ZNF593OS: variants seen among roughly 807,000 people sequenced by gnomAD.
ZNF593OS encodes the protein transmembrane protein ZNF593OS.
Position 26,171,709 on chromosome 1 carries a change from G to A in ZNF593OS, c.-48C>T, listed in dbSNP as rs540589332. 149 of 398,622 alleles carry A rather than the reference G, an allele frequency of 3.7e-4. No homozygotes were observed. Among genetic ancestry groups the A allele is most frequent in the African/African-American group, 2.5e-3 (120 of 48,734 alleles). 24.7% of individuals were successfully genotyped at this position (398,622 alleles called of 1,614,324 possible). A position where few individuals can be genotyped will look rare whatever the true frequency, so the allele number is the denominator to read the frequency against. The stretch of plus-strand genomic sequence containing the variant: ...GGCGGCCTGTAGGGTGGGAGCGGAC[G>A]TGAAGACCAGTGGTCTTCATGACAC... On this transcript the variant is annotated 5_prime_UTR_variant, in exon 1 of 2. Coordinates refer to ENST00000648649, the Ensembl canonical transcript of ZNF593OS. The surrounding 1 kb of genome is among the most constrained non-coding windows in gnomAD (Gnocchi z 5.5).
rs996901778 is a variant in ZNF593OS, at chr1:26,171,177, C to G, written c.*12G>C. On this transcript the variant is annotated 3_prime_UTR_variant, in exon 2 of 2. Coordinates refer to ENST00000648649, the Ensembl canonical transcript of ZNF593OS. This position sits in a 1 kb window ranked among gnomAD's most constrained non-coding sequence, Gnocchi z 5.5. Reference sequence around the variant, plus strand: ...CTACCCCCAGCATCCAAGTGAGAGTCTCTCTTCTTCGTTACGGGGCCCGTG... The same window carrying G: ...CTACCCCCAGCATCCAAGTGAGAGTGTCTCTTCTTCGTTACGGGGCCCGTG... The G allele has an allele frequency of 2.5e-6, 1 of 407,560 alleles. No individual in the cohort carries two copies. Among genetic ancestry groups the G allele is most frequent in the Non-Finnish European group, 4.3e-6 (1 of 230,896 alleles). The allele number at this position is 407,560 out of a possible 1,614,324, so 25.2% of individuals were successfully genotyped here.
downstream of ZNF593OS, chr1:26,169,991 G>C: frequency 6.5e-7 from 1 of 1,545,594 alleles, no homozygotes; most frequent in Non-Finnish European, 8.7e-7. Context: ...GCCATGGGTC[G>C]CTCCCGCCGG....
chr1:26,169,778 G>A (rs1047045208), downstream of ZNF593OS: 3 of 583,066 alleles, frequency 5.1e-6, no homozygotes, highest in Non-Finnish European at 8.6e-6. Context: ...ACACTTCTGG[G>A]AGCCCGTCCT....
chr1:26,171,586 G>C lies in ZNF593OS; in HGVS notation c.45+31C>G. Reference sequence around the variant, plus strand: ...TGGTAGGGGGAGGAAGGGGTCAGTCGTGCCAGAAACCGTTGATCAGGGGTA... The same window carrying C: ...TGGTAGGGGGAGGAAGGGGTCAGTCCTGCCAGAAACCGTTGATCAGGGGTA... On this transcript the variant is annotated intron_variant, in intron 1 of 1. Coordinates refer to ENST00000648649, the Ensembl canonical transcript of ZNF593OS. The surrounding 1 kb of genome is among the most constrained non-coding windows in gnomAD (Gnocchi z 5.5). 1 of 398,624 alleles carries C rather than the reference G, an allele frequency of 2.5e-6. No individual in the cohort carries two copies. The highest frequency in any genetic ancestry group is 4.4e-6 in the Non-Finnish European group (1 of 226,068). The allele number at this position is 398,624 out of a possible 1,614,324, so 24.7% of individuals were successfully genotyped here.
downstream of ZNF593OS, chr1:26,169,833 C>T (rs2088465349): frequency 1.2e-6 from 1 of 842,678 alleles, no homozygotes. Flanking sequence ...GCGCTCGAGC[C>T]GCTGGCCGAG....
At chr1:26,170,064 C>G, downstream of ZNF593OS, 1 of 1,574,118 alleles carries the variant, frequency 6.4e-7, no homozygotes, top group Non-Finnish European at 8.6e-7. Flanking sequence ...GGCGGCCGGA[C>G]TTGGATGAGA....
Position 26,171,102 on chromosome 1 carries a change from T to A in ZNF593OS, c.*87A>T. On this transcript the variant is annotated 3_prime_UTR_variant, in exon 2 of 2. Coordinates refer to ENST00000648649, the Ensembl canonical transcript of ZNF593OS. The surrounding 1 kb of genome is among the most constrained non-coding windows in gnomAD (Gnocchi z 5.5). ...ACTCTGTCCTGCTTCTGACAGAGAC[T>A]GATCCCCAGAAAAGAAGGCTTCTGA... 2.4e-6 allele frequency: 1 copy of A among 412,524 alleles called. No individual in the cohort carries two copies. The highest frequency in any genetic ancestry group is 4.3e-6 in the Non-Finnish European group (1 of 233,750). The allele number at this position is 412,524 out of a possible 1,614,324, so 25.6% of individuals were successfully genotyped here.
At chr1:26,170,226 C>A, downstream of ZNF593OS, 1 of 1,579,120 alleles carries the variant, frequency 6.3e-7, no homozygotes, top group African/African-American at 1.3e-5. Context: ...GGAGGGTCCG[C>A]GGTACCGGCC....
chr1:26,171,352 G>C lies in ZNF593OS; in HGVS notation c.46-17C>G, dbSNP rs557233429. On this transcript the variant is annotated splice_polypyrimidine_tract_variant and intron_variant, in intron 1 of 1. Transcript: ENST00000648649. This position sits in a 1 kb window ranked among gnomAD's most constrained non-coding sequence, Gnocchi z 5.5. ...TACCTGCATCTGGAGGTGCACAGAG[G>C]GTGTGCCTCAGGGGTCAGTTGAGAC... is the stretch of plus-strand genomic sequence containing the variant. 2.5e-6 allele frequency: 1 copy of C among 400,620 alleles called. No individual in the cohort carries two copies. Among genetic ancestry groups the C allele is most frequent in the Admixed American group, 4.3e-5 (1 of 23,034 alleles). 24.8% of individuals were successfully genotyped at this position (400,620 alleles called of 1,614,324 possible).
chr1:26,170,684 A>G (rs1476262929), exon 2 of ZNF593OS: 1 of 1,609,762 alleles, frequency 6.2e-7, no homozygotes, highest in East Asian at 2.2e-5. Flanking sequence ...GGAAGTGTCC[A>G]CTGAGGTCCC....
At chr1:26,170,711 A>T in exon 2 of ZNF593OS, 2 of 1,604,820 alleles carry the variant, frequency 1.2e-6, no homozygotes, top group Non-Finnish European at 1.7e-6. Flanking sequence ...GGATACCTCT[A>T]CCTGACATGG....
At chr1:26,169,925 T>C, downstream of ZNF593OS, 5 of 1,474,988 alleles carry the variant, frequency 3.4e-6, no homozygotes, top group Non-Finnish European at 3.6e-6. Context: ...CCGGAAGTGC[T>C]CACACGTGTG....
chr1:26,170,159 G>C, downstream of ZNF593OS: 1 of 1,571,912 alleles, frequency 6.4e-7, no homozygotes, highest in Non-Finnish European at 8.6e-7. Context: ...CCAGGGGGCG[G>C]TCTGCACCGC....
chr1:26,170,358 G>A (rs1358793291), downstream of ZNF593OS: 2 of 1,572,832 alleles, frequency 1.3e-6, no homozygotes, highest in Non-Finnish European at 1.7e-6. Flanking sequence ...GGGCTAGGGA[G>A]ATAGGTGCAC....
At position 26,171,283 on chromosome 1, in the gene ZNF593OS, A is replaced by C; in HGVS notation, c.98T>G (p.Val33Gly). 2.5e-6 allele frequency: 1 copy of C among 401,368 alleles called. No individual in the cohort carries two copies. Among genetic ancestry groups the C allele is most frequent in the South Asian group, 1.2e-4 (1 of 8,116 alleles). 24.9% of individuals were successfully genotyped at this position (401,368 alleles called of 1,614,324 possible). ...GAGGACAGCTAGCACTGTAGCCACA[A>C]CTCCTGCCAGCAGACTCCGGGGCTC... is the stretch of plus-strand genomic sequence containing the variant. The change falls in exon 2 of 2, where the codon GTT (valine) becomes GGT (glycine). Residue 33 changes from valine (V) to glycine (G), a missense_variant. Coordinates refer to ENST00000648649, the Ensembl canonical transcript of ZNF593OS. This position sits in a 1 kb window ranked among gnomAD's most constrained non-coding sequence, Gnocchi z 5.5.
Position 26,171,471 on chromosome 1 carries a change from A to C in ZNF593OS, c.46-136T>G. 5.0e-6 allele frequency: 2 copies of C among 398,652 alleles called. No homozygotes were observed. The highest frequency in any genetic ancestry group is 8.8e-6 in the Non-Finnish European group (2 of 226,226). The allele number at this position is 398,652 out of a possible 1,614,324, so 24.7% of individuals were successfully genotyped here. A position where few individuals can be genotyped will look rare whatever the true frequency, so the allele number is the denominator to read the frequency against. On this transcript the variant is annotated intron_variant, in intron 1 of 1. Transcript: ENST00000648649. The surrounding 1 kb of genome is among the most constrained non-coding windows in gnomAD (Gnocchi z 5.5). ...TCCTGCCCCAGGGAGATTCCACCCC[A>C]ATCCCTTTCGCCTCACTGCCCATCT...
At chr1:26,170,494 A>G (rs1426665035) in exon 2 of ZNF593OS, 6 of 1,614,188 alleles carry the variant, frequency 3.7e-6, no homozygotes, top group Non-Finnish European at 5.1e-6. Flanking sequence ...TGAAGGAGTA[A>G]GGAGAGGATT....
Position 26,170,591 on chromosome 1 carries a change from G to C in ZNF593OS, c.*598C>G, listed in dbSNP as rs758484107. On this transcript the variant is annotated 3_prime_UTR_variant, in exon 2 of 2. Transcript: ENST00000648649. Reference sequence around the variant, plus strand: ...TTCTCCCAGGCTGAAGCAGCTGAGCGTCGAGCCCTACAGTCAGGAAGAGGC... The same window carrying C: ...TTCTCCCAGGCTGAAGCAGCTGAGCCTCGAGCCCTACAGTCAGGAAGAGGC... 4 of 1,613,830 alleles carry C rather than the reference G, an allele frequency of 2.5e-6. No individual in the cohort carries two copies. The South Asian group carries it at 4.4e-5, about 18-fold the overall frequency.
downstream of ZNF593OS, chr1:26,170,174 T>C: frequency 6.4e-7 from 1 of 1,571,922 alleles, no homozygotes; most frequent in Non-Finnish European, 8.6e-7. Flanking sequence ...CACCGCTGTC[T>C]GGCCTGCGCG....
Sources: allele counts gnomAD v4.1 joint callset, GRCh38; gene constraint gnomAD v4.1.1; non-coding constraint Gnocchi (gnomAD v3.1); transcripts MANE v1.5; gene names NCBI Gene and HGNC (gene_info 2026-07-23, HGNC 2026-07-21).